ACVR2A: variants seen among roughly 807,000 people sequenced by gnomAD.
The protein encoded by ACVR2A is activin receptor type-2A.
Under a neutral mutation model 61.4 loss-of-function variants are expected in ACVR2A, and 7 were observed. That is an observed-to-expected ratio of 0.11 (90% confidence interval 0.06 to 0.21). ACVR2A has a LOEUF of 0.21. Among genes scored for constraint, ACVR2A ranks in the 10% least tolerant of loss-of-function variants. ACVR2A has a pLI of 1.00. For missense variants in ACVR2A, 322 were observed against 621.7 expected (o/e 0.52, Z 5.13); for synonymous variants, 193 against 208.3 (o/e 0.93, Z 0.63).
chr2:147,863,119 T>C (rs552605721), intron 1 of ACVR2A, among the ~76,000 whole-genome samples: 2 of 152,348 alleles, frequency 1.3e-5, no homozygotes, highest in African/African-American at 4.8e-5. Context: ...GGCTTACATC[T>C]ATTCTTTGGT....
intron 9 of ACVR2A, 144 bp from the exon 10 acceptor site, chr2:147,925,887 G>C: frequency 2.5e-6 from 2 of 786,864 alleles, no homozygotes; most frequent in Non-Finnish European, 4.0e-6. Flanking sequence ...TATAAGTACA[G>C]TTGAGAGTCT....
At chr2:147,914,431 T>C (rs1457154746) in intron 4 of ACVR2A, among the ~76,000 whole-genome samples, 1 of 151,980 alleles carries the variant, frequency 6.6e-6, no homozygotes, top group African/African-American at 2.4e-5. Context: ...GCTCTATTTT[T>C]AAAAAACTAT....
At chr2:147,874,339 C>T (rs371939489) in intron 1 of ACVR2A, among the ~76,000 whole-genome samples, 3 of 151,990 alleles carry the variant, frequency 2.0e-5, no homozygotes, top group African/African-American at 7.2e-5. Context: ...TATGTAGCAA[C>T]TTTGACTAGT....
intron 1 of ACVR2A, among the ~76,000 whole-genome samples, chr2:147,884,693 G>C (rs946247721): frequency 6.6e-6 from 1 of 151,918 alleles, no homozygotes; most frequent in African/African-American, 2.4e-5. Flanking sequence ...AACAAATAAG[G>C]GACTGTGGAA....
At chr2:147,846,787 T>G (rs545609943) in intron 1 of ACVR2A, among the ~76,000 whole-genome samples, 38 of 152,320 alleles carry the variant, frequency 2.5e-4, no homozygotes, top group Admixed American at 2.2e-3. Flanking sequence ...TACTCTTTTT[T>G]CCTCTGCTTC....
intron 4 of ACVR2A, among the ~76,000 whole-genome samples, chr2:147,911,298 G>T (rs553584923): frequency 2.0e-5 from 3 of 152,206 alleles, no homozygotes; most frequent in Admixed American, 6.5e-5. Context: ...CTGGAGTCAA[G>T]AATTTGTTTA....
chr2:147,847,288 A>G (rs1034436676), intron 1 of ACVR2A, among the ~76,000 whole-genome samples: 2 of 152,120 alleles, frequency 1.3e-5, no homozygotes, highest in Non-Finnish European at 2.9e-5. Flanking sequence ...CTTAATCCAT[A>G]TTTATACATG....
chr2:147,889,895 A>G (rs184011168), intron 1 of ACVR2A, among the ~76,000 whole-genome samples: 2 of 151,788 alleles, frequency 1.3e-5, no homozygotes, highest in Admixed American at 1.3e-4. Context: ...TGAATATAGA[A>G]CTATTATATA....
intron 1 of ACVR2A, among the ~76,000 whole-genome samples, chr2:147,859,705 C>T (rs1232569918): frequency 6.6e-6 from 1 of 151,624 alleles, no homozygotes; most frequent in Non-Finnish European, 1.5e-5. Flanking sequence ...TGTTTTTTTC[C>T]CTTACTGTAT....
At chr2:147,879,376 AT>A (rs1283187308) in intron 1 of ACVR2A, among the ~76,000 whole-genome samples, 1 of 152,220 alleles carries the variant, frequency 6.6e-6, no homozygotes, top group Non-Finnish European at 1.5e-5. Flanking sequence ...TTATAATGGC[AT>A]TAATCTGTGA....
chr2:147,852,930 G>A (rs1468119777), intron 1 of ACVR2A, among the ~76,000 whole-genome samples: 1 of 152,068 alleles, frequency 6.6e-6, no homozygotes, highest in Non-Finnish European at 1.5e-5. Context: ...GCTTGAAGAA[G>A]TAGGACAATC....
At chr2:147,911,180 A>G (rs1687101961) in intron 4 of ACVR2A, among the ~76,000 whole-genome samples, 1 of 152,114 alleles carries the variant, frequency 6.6e-6, no homozygotes, top group South Asian at 2.1e-4. Context: ...TCCTTGTTTT[A>G]TAATTTAGAC....
At chr2:147,871,930 T>C (rs932540053) in intron 1 of ACVR2A, among the ~76,000 whole-genome samples, 4 of 152,132 alleles carry the variant, frequency 2.6e-5, no homozygotes, top group African/African-American at 9.6e-5. Context: ...CATTGATCTT[T>C]GGCATGAGTA....
chr2:147,845,745 A>C (rs2105124638), intron 1 of ACVR2A, among the ~76,000 whole-genome samples: 1 of 152,262 alleles, frequency 6.6e-6, no homozygotes, highest in Non-Finnish European at 1.5e-5. Context: ...GTTTTCTTCA[A>C]CTTCAGCGTC....
intron 4 of ACVR2A, among the ~76,000 whole-genome samples, chr2:147,908,726 G>T (rs1401873683): frequency 1.3e-5 from 2 of 151,982 alleles, no homozygotes; most frequent in Non-Finnish European, 2.9e-5. Flanking sequence ...AACAAATTCA[G>T]AATTTGTCAG....
chr2:147,899,248 T>TA (rs1025276527), intron 2 of ACVR2A, among the ~76,000 whole-genome samples: 43 of 152,282 alleles, frequency 2.8e-4, no homozygotes, highest in Admixed American at 2.7e-3. Context: ...GTGATTGTTA[T>TA]AAAATCAGTT....
chr2:147,867,308 C>G (rs1437403813), intron 1 of ACVR2A, among the ~76,000 whole-genome samples: 2 of 151,984 alleles, frequency 1.3e-5, no homozygotes, highest in Non-Finnish European at 2.9e-5. Context: ...AAGCCAGAGT[C>G]GAGATGTTTC....
intron 8 of ACVR2A, among the ~76,000 whole-genome samples, chr2:147,921,455 G>A (rs1198703018): frequency 6.6e-6 from 1 of 152,100 alleles, no homozygotes; most frequent in Non-Finnish European, 1.5e-5. Flanking sequence ...TAAATTATTT[G>A]GCCAACTAAT....
At position 147,845,180 on chromosome 2, in the gene ACVR2A, G is replaced by GC; in HGVS notation, c.30dup (p.Val11ArgfsTer14). 6.2e-7 allele frequency: 1 copy of GC among 1,613,322 alleles called. No individual in the cohort carries two copies. Among genetic ancestry groups the GC allele is most frequent in the Non-Finnish European group, 8.5e-7 (1 of 1,179,880 alleles). Reference sequence around the variant, plus strand: ...GGGAGCTGCTGCAAAGTTGGCGTTTGCCGTCTTTCTTATCTCCTGTTCTTC... The same window carrying GC: ...GGGAGCTGCTGCAAAGTTGGCGTTTGCCCGTCTTTCTTATCTCCTGTTCTTC... On this transcript the variant is annotated frameshift_variant, in exon 1 of 11. Transcript: ENST00000241416. LOFTEE classifies it high-confidence loss of function.
Sources: allele counts gnomAD v4.1 joint callset (sites outside exome capture counted in the v4.1 genomes callset), GRCh38; gene constraint gnomAD v4.1.1; transcripts MANE v1.5; gene names NCBI Gene and HGNC (gene_info 2026-07-23, HGNC 2026-07-21).